MYRIP: variants seen among roughly 807,000 people sequenced by gnomAD.
MYRIP encodes myosin VIIA and Rab interacting protein.
MYRIP carries 49 observed loss-of-function variants against 98.0 expected under a neutral mutation model. The ratio of observed to expected loss-of-function variants is 0.50; its 90% CI spans 0.40 to 0.63. The LOEUF (loss-of-function observed/expected upper bound fraction) is 0.63, where lower values mean the gene tolerates loss of function less well. Ranked by LOEUF, MYRIP falls within the 30% of genes least tolerant of loss-of-function variation. MYRIP has a pLI of 0.00. For missense variants in MYRIP, 1,004 were observed against 1,058.2 expected (o/e 0.95, Z 0.71); for synonymous variants, 404 against 409.5 (o/e 0.99, Z 0.16).
intron 2 of MYRIP, among the ~76,000 whole-genome samples, chr3:40,011,753 A>G (rs1050243099): frequency 6.6e-6 from 1 of 152,218 alleles, no homozygotes; most frequent in Non-Finnish European, 1.5e-5. Flanking sequence ...TAAAAAGTAA[A>G]CAATCTCTAC....
intron 2 of MYRIP, among the ~76,000 whole-genome samples, chr3:39,910,887 T>G (rs1312791938): frequency 6.6e-6 from 1 of 152,276 alleles, no homozygotes; most frequent in South Asian, 2.1e-4. Context: ...TTATATGTGG[T>G]TTTTAGGTAT....
intron 10 of MYRIP, among the ~76,000 whole-genome samples, chr3:40,202,054 G>A (rs1043760564): frequency 3.9e-5 from 6 of 152,114 alleles, no homozygotes; most frequent in African/African-American, 9.7e-5. Context: ...CCCTAGAGTC[G>A]TTTAACCTAT....
At chr3:40,132,892 C>T (rs1194799605) in intron 3 of MYRIP, among the ~76,000 whole-genome samples, 1 of 152,276 alleles carries the variant, frequency 6.6e-6, no homozygotes, top group Non-Finnish European at 1.5e-5. Context: ...CATCCCAGTC[C>T]AGCCCTCCTT....
At chr3:40,055,701 T>C (rs1947871590) in intron 3 of MYRIP, among the ~76,000 whole-genome samples, 1 of 152,124 alleles carries the variant, frequency 6.6e-6, no homozygotes, top group Non-Finnish European at 1.5e-5. Flanking sequence ...CCATAGCACT[T>C]TACTGTTTTC....
intron 3 of MYRIP, among the ~76,000 whole-genome samples, chr3:40,087,977 A>G (rs575744639): frequency 6.6e-6 from 1 of 152,284 alleles, no homozygotes; most frequent in East Asian, 1.9e-4. Context: ...ACCCTATGCT[A>G]TAAAAAGGAG....
chr3:39,885,931 C>T (rs1943287950), intron 1 of MYRIP, among the ~76,000 whole-genome samples: 1 of 151,752 alleles, frequency 6.6e-6, no homozygotes, highest in South Asian at 2.1e-4. Flanking sequence ...ACTTGTTTGC[C>T]TTTGGTTTGA....
At chr3:40,244,019 T>C (rs1038162983) in intron 12 of MYRIP, among the ~76,000 whole-genome samples, 1 of 152,232 alleles carries the variant, frequency 6.6e-6, no homozygotes, top group Non-Finnish European at 1.5e-5. Flanking sequence ...TTTTAAATTA[T>C]TTCCCCTCTT....
At chr3:40,103,071 T>C (rs990310771) in intron 3 of MYRIP, among the ~76,000 whole-genome samples, 6 of 151,948 alleles carry the variant, frequency 3.9e-5, no homozygotes, top group Non-Finnish European at 5.9e-5. Context: ...TCACCACTCT[T>C]GCCATCTTCT....
rs140541897 is a variant in MYRIP at position 39,930,600 on chromosome 3, T to C, written c.110+29674T>C. Among the ~76,000 whole-genome samples the C allele has an allele frequency of 3.3e-5, 5 of 152,206 alleles. No homozygotes were observed. In the East Asian group the frequency reaches 9.6e-4, roughly 29 times the overall value. On this transcript the variant is annotated intron_variant, in intron 2 of 16. Coordinates refer to ENST00000302541, the MANE Select transcript of MYRIP (RefSeq NM_015460.4). The stretch of plus-strand genomic sequence containing the variant: ...TGCTTATTTCTAAGAAACCATTGCC[T>C]ATCCAAGGTTGTAAAGATTTACATC...
At chr3:40,091,636 T>C (rs550256959) in intron 3 of MYRIP, among the ~76,000 whole-genome samples, 14 of 152,232 alleles carry the variant, frequency 9.2e-5, no homozygotes, top group Non-Finnish European at 1.2e-4. Flanking sequence ...AGTATATTCT[T>C]AGCTGACTTG....
chr3:40,141,628 G>A (rs1461600621), intron 3 of MYRIP, among the ~76,000 whole-genome samples: 1 of 152,124 alleles, frequency 6.6e-6, no homozygotes, highest in Non-Finnish European at 1.5e-5. Context: ...TGTGTAGGGT[G>A]AGAGGTGGAA....
chr3:40,203,984 A>T (rs1373399786), intron 10 of MYRIP, among the ~76,000 whole-genome samples: 6 of 1,122 alleles, frequency 5.3e-3, no homozygotes, highest in Non-Finnish European at 7.6e-3. Flanking sequence ...ATTATATATA[A>T]TATATATTAT....
In MYRIP at chr3:40,044,241, C is replaced by T; in HGVS notation, c.302C>T (p.Ala101Val). 1 of 1,614,182 alleles carries T rather than the reference C, an allele frequency of 6.2e-7. No homozygotes were observed. Among genetic ancestry groups the T allele is most frequent in the African/African-American group, 1.3e-5 (1 of 75,056 alleles). The change falls in exon 3 of 17, where the codon GCC becomes GTC. Residue 101 changes from alanine (A) to valine (V), a missense_variant. This residue lies in a region of MYRIP where 880 missense variants were observed against 907.7 expected (regional missense o/e 0.97). Transcript: ENST00000302541. Reference protein sequence around the residue: ...SCCSYQKHEKAWVCCVCQQAR... With the variant: ...SCCSYQKHEKVWVCCVCQQAR... ...TGCTCCTACCAGAAGCACGAAAAGGCCTGGGTCTGCTGCGTCTGCCAGCAA... is the reference window on the plus strand; with the variant it reads ...TGCTCCTACCAGAAGCACGAAAAGGTCTGGGTCTGCTGCGTCTGCCAGCAA...
intron 3 of MYRIP, among the ~76,000 whole-genome samples, chr3:40,070,331 G>T (rs760436205): frequency 6.6e-6 from 1 of 152,244 alleles, no homozygotes; most frequent in South Asian, 2.1e-4. Flanking sequence ...CTTAAAAAGC[G>T]TAACTCCACA....
chr3:40,056,489 G>A (rs369756945), intron 3 of MYRIP, among the ~76,000 whole-genome samples: 33 of 152,232 alleles, frequency 2.2e-4, no homozygotes, highest in African/African-American at 7.2e-4. Flanking sequence ...GAGGCTTATG[G>A]TTTTCTTTTC....
At chr3:39,816,084 T>TC (rs928906732) in intron 1 of MYRIP, among the ~76,000 whole-genome samples, 10 of 151,714 alleles carry the variant, frequency 6.6e-5, no homozygotes, top group Non-Finnish European at 1.0e-4. Context: ...TTTTCTTTTT[T>TC]TTTTTGTTTT....
chr3:40,132,172 T>C (rs544021567), intron 3 of MYRIP, among the ~76,000 whole-genome samples: 11 of 152,168 alleles, frequency 7.2e-5, no homozygotes, highest in African/African-American at 2.7e-4. Flanking sequence ...AAGGTAAGGC[T>C]GAGAGGGATT....
chr3:39,836,462 G>A (rs1379653567), intron 1 of MYRIP, among the ~76,000 whole-genome samples: 1 of 152,116 alleles, frequency 6.6e-6, no homozygotes, highest in Admixed American at 6.5e-5. Context: ...TTGTAAATTT[G>A]TTTAAGTTCC....
intron 11 of MYRIP, among the ~76,000 whole-genome samples, chr3:40,218,635 TATATATATATATATATATATAC>T (rs1473343186): frequency 1.9e-5 from 1 of 52,686 alleles, no homozygotes; most frequent in African/African-American, 6.7e-5. Context: ...TATATATATA[TATATATATATATATATATATAC>T]ATACACACAC....
Sources: gnomAD v4.1 joint callset for allele counts (sites outside exome capture counted in the v4.1 genomes callset) on GRCh38, gnomAD v4.1.1 for gene constraint, gnomAD v4.1.1 regional missense constraint, MANE v1.5 for transcripts, NCBI Gene and HGNC (gene_info 2026-07-23, HGNC 2026-07-21) for gene names.